Variants in TECTB observed in about 807,000 individuals in gnomAD.
The protein encoded by TECTB is tectorin beta.
Under a neutral mutation model 43.3 loss-of-function variants are expected in TECTB, and 45 were observed. The observed-to-expected ratio is 1.04, with a 90% CI of 0.82 to 1.33. The LOEUF is 1.33. Among genes scored for constraint, TECTB ranks in the 40% most tolerant of loss-of-function variants. TECTB has a pLI of 0.00. For synonymous variants in TECTB, 169 were observed against 156.7 expected, an observed-to-expected ratio of 1.08 and a Z score of -0.59; for missense variants, 399 against 404.7, an observed-to-expected ratio of 0.99 and a Z score of 0.12.
intron 5 of TECTB, among the ~76,000 whole-genome samples, chr10:112,291,993 G>T (rs183330813): frequency 6.6e-6 from 1 of 152,194 alleles, no homozygotes; most frequent in African/African-American, 2.4e-5. Flanking sequence ...AAAATTAGCC[G>T]GGCGTGGTGG....
intron 5 of TECTB, among the ~76,000 whole-genome samples, chr10:112,286,804 C>T (rs1362002320): frequency 6.6e-6 from 1 of 152,142 alleles, no homozygotes; most frequent in Non-Finnish European, 1.5e-5. Context: ...TGCCTGTAGT[C>T]CCAGCTACTT....
chr10:112,294,147 G>A, intron 7 of TECTB, 86 bp downstream of exon 7: 2 of 1,261,358 alleles, frequency 1.6e-6, no homozygotes, highest in Non-Finnish European at 2.3e-6. Context: ...AAGCTTGGGA[G>A]GAAGAGGTGA....
chr10:112,290,457 G>A (rs1383864787), intron 5 of TECTB, among the ~76,000 whole-genome samples: 2 of 152,178 alleles, frequency 1.3e-5, no homozygotes, highest in Non-Finnish European at 2.9e-5. Flanking sequence ...AATCATTAGT[G>A]TTCTATTTCA....
chr10:112,303,412 T>C lies in TECTB; in HGVS notation c.*100T>C. 5.5e-6 allele frequency: 8 copies of C among 1,459,782 alleles called. No individual in the cohort carries two copies. The highest frequency in any genetic ancestry group is 3.4e-5 in the Admixed American group (2 of 59,422). 90.4% of individuals were successfully genotyped at this position (1,459,782 alleles called of 1,614,324 possible). On this transcript the variant is annotated 3_prime_UTR_variant, in exon 11 of 11. Transcript: ENST00000646139. ...CAAAAAGAACAAACAGAAGACCACATTGTTGGGGGGCAGAGAATAGCACTT... is the reference window on the plus strand; with the variant it reads ...CAAAAAGAACAAACAGAAGACCACACTGTTGGGGGGCAGAGAATAGCACTT...
Position 112,286,101 on chromosome 10 carries a change from C to G in TECTB, c.298C>G (p.His100Asp). 6.2e-7 allele frequency: 1 copy of G among 1,614,138 alleles called. No individual in the cohort carries two copies. The highest frequency in any genetic ancestry group is 8.5e-7 in the Non-Finnish European group (1 of 1,179,994). ...GCCACCTATCTATCACTTCTACAGT[C>G]ACATCGTTTCCAATGACACCACAGT... ...YKPPIYHFYS[H>D]IVSNDTTVIV... The change falls in exon 4 of 11, where the codon CAC (histidine) becomes GAC (aspartate). Residue 100 changes from histidine to aspartate, a missense_variant. By Grantham distance (81) the His-to-Asp change is moderately conservative. Transcript: ENST00000646139.
chr10:112,301,414 A>C (rs1224826313), intron 9 of TECTB, among the ~76,000 whole-genome samples: 3 of 151,910 alleles, frequency 2.0e-5, no homozygotes, highest in Admixed American at 6.6e-5. Flanking sequence ...TCTCAAAAAA[A>C]AAAAAAAAAT....
chr10:112,299,798 A>G, intron 9 of TECTB: 1 of 513,164 alleles, frequency 1.9e-6, no homozygotes, highest in Non-Finnish European at 3.5e-6. Context: ...CCTAAATTCA[A>G]ATACCCCCAA....
At chr10:112,284,067 A>G (rs1471934557) in intron 2 of TECTB, among the ~76,000 whole-genome samples, 3 of 152,040 alleles carry the variant, frequency 2.0e-5, no homozygotes, top group African/African-American at 7.3e-5. Context: ...CTCTCTCCCC[A>G]CATCCCATTA....
At chr10:112,289,800 G>C (rs1589637289) in intron 5 of TECTB, among the ~76,000 whole-genome samples, 1 of 152,136 alleles carries the variant, frequency 6.6e-6, no homozygotes, top group African/African-American at 2.4e-5. Flanking sequence ...ACGGGTCAGA[G>C]GTGACCTTCT....
Position 112,290,285 on chromosome 10 carries a change from T to A in TECTB, c.484-3453T>A, listed in dbSNP as rs1325456018. ...AATATATATAGGGTTTGGTACTATC[T>A]GCAGTTTCAGGCATCCACTGGGGGT... On this transcript the variant is annotated intron_variant, in intron 5 of 10. Transcript: ENST00000646139. Among the ~76,000 whole-genome samples the A allele has an allele frequency of 2.6e-5, 4 of 152,322 alleles. No homozygotes were observed. In the South Asian group the frequency reaches 8.3e-4, roughly 32 times the overall value.
chr10:112,300,254 GAA>G (rs1200464066), intron 9 of TECTB, among the ~76,000 whole-genome samples: 2 of 47,370 alleles, frequency 4.2e-5, no homozygotes, highest in East Asian at 6.0e-4. Context: ...AAGAAAGAAA[GAA>G]AGAAAGAAAG....
chr10:112,303,313 G>A lies in TECTB; in HGVS notation c.*1G>A. Reference sequence around the variant, plus strand: ...GTTGGGGATTTGTGCCGTGTTATAGGAGTTAGCCAGGCAGCTGCCGCTCCT... The same window carrying A: ...GTTGGGGATTTGTGCCGTGTTATAGAAGTTAGCCAGGCAGCTGCCGCTCCT... On this transcript the variant is annotated 3_prime_UTR_variant, in exon 11 of 11. Coordinates refer to ENST00000646139, the MANE Select transcript of TECTB (RefSeq NM_058222.3). 1 of 1,614,128 alleles carries A rather than the reference G, an allele frequency of 6.2e-7. No homozygotes were observed. The highest frequency in any genetic ancestry group is 8.5e-7 in the Non-Finnish European group (1 of 1,180,030).
At position 112,297,169 on chromosome 10, in the gene TECTB, C is replaced by T. The variant is rs544826523; in HGVS notation, c.672-900C>T. Among the ~76,000 whole-genome samples the T allele has an allele frequency of 7.5e-4, 114 of 152,164 alleles. 1 individual carries two copies. Among genetic ancestry groups the T allele is most frequent in the Non-Finnish European group, 1.4e-3 (97 of 68,026 alleles). On this transcript the variant is annotated intron_variant, in intron 7 of 10. Transcript: ENST00000646139. ...ACATTTGGGGTGGGACCATTCTCCA[C>T]TGTGGGGGCTGTGCTGTGCACTGTA...
Position 112,286,686 on chromosome 10 carries a change from G to A in TECTB, c.483+295G>A, listed in dbSNP as rs186194120. ...TGTAATCCCAGCACTTTGGGAGACC[G>A]AGGCAGGCAGATCATCTGAGGTCAG... On this transcript the variant is annotated intron_variant, in intron 5 of 10. Coordinates refer to ENST00000646139, the MANE Select transcript of TECTB (RefSeq NM_058222.3). Among the ~76,000 whole-genome samples, 603 of 152,210 alleles carry A rather than the reference G, an allele frequency of 4.0e-3. 4 individuals carry two copies. Among genetic ancestry groups the A allele is most frequent in the African/African-American group, 0.014 (574 of 41,528 alleles).
chr10:112,286,278 G>C (rs1848453897), intron 4 of TECTB, 41 bp from the exon 5 acceptor site: 2 of 1,612,664 alleles, frequency 1.2e-6, no homozygotes, highest in African/African-American at 2.7e-5. Flanking sequence ...CTATCAATCA[G>C]CGTGTTTCAG....
At chr10:112,294,234 C>T (rs886933800) in intron 7 of TECTB, among the ~76,000 whole-genome samples, 173 bp downstream of exon 7, 1 of 152,188 alleles carries the variant, frequency 6.6e-6, no homozygotes, top group African/African-American at 2.4e-5. Context: ...GGACATAGTG[C>T]ATTCTAGGGG....
chr10:112,300,259 AAAGAAAGAAAGAAAGAAAGAAAAGAAAG>A (rs1848591599), intron 9 of TECTB, among the ~76,000 whole-genome samples: 3 of 34,706 alleles, frequency 8.6e-5, no homozygotes, highest in Non-Finnish European at 1.6e-4. Context: ...AGAAAGAAAG[AAAGAAAGAAAGAAAGAAAGAAAAGAAAG>A]AAAGAAAGAA....
At chr10:112,291,053 C>A (rs1848495104) in intron 5 of TECTB, among the ~76,000 whole-genome samples, 1 of 152,112 alleles carries the variant, frequency 6.6e-6, no homozygotes, top group Non-Finnish European at 1.5e-5. Context: ...GTTTGTTACA[C>A]TGGTAAACAT....
At chr10:112,292,830 C>G (rs915438276) in intron 5 of TECTB, among the ~76,000 whole-genome samples, 2 of 152,114 alleles carry the variant, frequency 1.3e-5, no homozygotes, top group African/African-American at 4.8e-5. Flanking sequence ...GCCTCACTTA[C>G]TTGCTCCAGC....
Sources: allele counts gnomAD v4.1 joint callset (sites outside exome capture counted in the v4.1 genomes callset), GRCh38; gene constraint gnomAD v4.1.1; transcripts MANE v1.5; gene names NCBI Gene and HGNC (gene_info 2026-07-23, HGNC 2026-07-21).